Variants in PLD1 observed in about 807,000 individuals in gnomAD.
PLD1 encodes the protein choline phosphatase 1.
PLD1 carries 112 observed loss-of-function variants against 137.1 expected under a neutral mutation model. That is an observed-to-expected ratio of 0.82 (90% CI 0.70 to 0.96). The LOEUF is 0.96. PLD1 is among the 40% of genes least tolerant of loss of function. PLD1 has a pLI of 0.00. For synonymous variants in PLD1, 431 were observed against 454.7 expected, an observed-to-expected ratio of 0.95 and a Z score of 0.66; for missense variants, 1,321 against 1,342.0, an observed-to-expected ratio of 0.98 and a Z score of 0.24.
intron 1 of PLD1, among the ~76,000 whole-genome samples, chr3:171,757,292 C>A (rs1233907430): frequency 6.6e-6 from 1 of 151,974 alleles, no homozygotes; most frequent in East Asian, 1.9e-4. Flanking sequence ...GTATGTGTCA[C>A]AAAGAAAACT....
chr3:171,747,916 TC>T (rs2108284956), intron 1 of PLD1, among the ~76,000 whole-genome samples: 1 of 149,012 alleles, frequency 6.7e-6, no homozygotes, highest in African/African-American at 2.6e-5. Context: ...GTGCTCAACT[TC>T]CTCACCTAAA....
chr3:171,735,007 G>A, intron 4 of PLD1, 37 bp from the exon 5 acceptor site: 1 of 1,143,186 alleles, frequency 8.7e-7, no homozygotes, highest in Non-Finnish European at 1.3e-6. Context: ...ACACCTACTA[G>A]ATTATTCTGT....
intron 8 of PLD1, among the ~76,000 whole-genome samples, chr3:171,715,719 C>T (rs567882043): frequency 1.3e-5 from 2 of 151,908 alleles, no homozygotes; most frequent in Non-Finnish European, 2.9e-5. Flanking sequence ...CATAAAAACT[C>T]CTCTGATTTC....
Position 171,688,720 on chromosome 3 carries a change from T to C in PLD1, c.1495A>G (p.Ser499Gly). ...DNEHRLTDVG[S>G]VKRVTSGPSL... ...GGTCCTGAAGTGACCCGCTTCACAC[T>C]GCCCACGTCTGTGAGTCTGTGCTCA... is the stretch of plus-strand genomic sequence containing the variant. The change falls in exon 14 of 27, where the codon AGT (serine) becomes GGT (glycine). Residue 499 changes from serine to glycine, a missense_variant. By Grantham distance (56) the Ser-to-Gly change is moderately conservative (BLOSUM62 0). Coordinates refer to ENST00000351298, the MANE Select transcript of PLD1 (RefSeq NM_002662.5). 1 of 1,614,196 alleles carries C rather than the reference T, an allele frequency of 6.2e-7. No individual in the cohort carries two copies. The highest frequency in any genetic ancestry group is 8.5e-7 in the Non-Finnish European group (1 of 1,180,022).
chr3:171,790,660 G>A (rs1251375451), intron 1 of PLD1, among the ~76,000 whole-genome samples: 1 of 152,148 alleles, frequency 6.6e-6, no homozygotes, highest in Admixed American at 6.5e-5. Context: ...AAAGGAAGCT[G>A]GCATGCTCCT....
chr3:171,807,099 C>G (rs1723877834), intron 1 of PLD1, among the ~76,000 whole-genome samples: 1 of 152,124 alleles, frequency 6.6e-6, no homozygotes, highest in Admixed American at 6.6e-5. Flanking sequence ...GGGAGCCCAG[C>G]TGTTCAAGAC....
At chr3:171,710,872 CTT>C (rs774704143) in intron 9 of PLD1, among the ~76,000 whole-genome samples, 5 of 98,608 alleles carry the variant, frequency 5.1e-5, no homozygotes, top group Admixed American at 1.0e-4. Context: ...GAAAACTGTT[CTT>C]TTTTTTTTTT....
chr3:171,768,254 T>A (rs769940300), intron 1 of PLD1, among the ~76,000 whole-genome samples: 1 of 152,116 alleles, frequency 6.6e-6, no homozygotes, highest in Non-Finnish European at 1.5e-5. Flanking sequence ...AAATAGTGAA[T>A]TTCCAGGGTG....
At chr3:171,623,560 G>A (rs2108303824) in intron 23 of PLD1, among the ~76,000 whole-genome samples, 1 of 151,446 alleles carries the variant, frequency 6.6e-6, no homozygotes, top group Middle Eastern at 3.4e-3. Flanking sequence ...CTGACCTCGT[G>A]ATCCGCCCAC....
At position 171,689,030 on chromosome 3, in the gene PLD1, C is replaced by T. The variant is rs13321633; in HGVS notation, c.1339-154G>A. On this transcript the variant is annotated intron_variant, in intron 13 of 26. Transcript: ENST00000351298. ...CCAAAGAAAATAATTTTATTCTCAGCATTTAGCAAAAAGAAAAAGAAAAAA... is the reference window on the plus strand; with the variant it reads ...CCAAAGAAAATAATTTTATTCTCAGTATTTAGCAAAAAGAAAAAGAAAAAA... Among the ~76,000 whole-genome samples, 6,346 of 151,638 alleles carry T rather than the reference C, an allele frequency of 0.042. 427 individuals are homozygous for T. The highest frequency in any genetic ancestry group is 0.14 in the African/African-American group (5,896 of 41,318).
At chr3:171,613,849 C>A (rs533047525) in intron 24 of PLD1, among the ~76,000 whole-genome samples, 1 of 152,128 alleles carries the variant, frequency 6.6e-6, no homozygotes, top group Non-Finnish European at 1.5e-5. Flanking sequence ...CAGATTCATG[C>A]ATTTGAATCC....
At chr3:171,742,435 C>T (rs1011821722) in intron 1 of PLD1, among the ~76,000 whole-genome samples, 1 of 152,144 alleles carries the variant, frequency 6.6e-6, no homozygotes, top group African/African-American at 2.4e-5. Flanking sequence ...CACATTCACT[C>T]TATGAACATA....
chr3:171,747,625 T>G (rs1030017582), intron 1 of PLD1, among the ~76,000 whole-genome samples: 2 of 152,236 alleles, frequency 1.3e-5, no homozygotes, highest in Admixed American at 1.3e-4. Context: ...TGAACCATCC[T>G]GGCTCCTGCA....
intron 23 of PLD1, among the ~76,000 whole-genome samples, chr3:171,631,042 T>A (rs1039599668): frequency 6.6e-6 from 1 of 151,730 alleles, no homozygotes; most frequent in Non-Finnish European, 1.5e-5. Flanking sequence ...AAATAAAGGC[T>A]GAATAATTAA....
At chr3:171,677,446 A>G in intron 17 of PLD1, 120 bp downstream of exon 17, 1 of 1,025,478 alleles carries the variant, frequency 9.8e-7, no homozygotes. Flanking sequence ...GTTTTAAAAA[A>G]TTTTCAAAAA....
rs1560289682 is a variant in PLD1, at chr3:171,764,954, GAAAGAAAGAAA to G, written c.-31-26883_-31-26873del. 1.2e-4 allele frequency among the ~76,000 whole-genome samples: 6 copies of G among 48,626 alleles called. 1 individual carries two copies. Among genetic ancestry groups the G allele is most frequent in the Admixed American group, 2.5e-4 (1 of 4,058 alleles). 31.9% of individuals were successfully genotyped at this position (48,626 alleles called of 152,430 possible). A position where few individuals can be genotyped will look rare whatever the true frequency, so the allele number is the denominator to read the frequency against. Reference sequence around the variant, plus strand: ...GAAAGGAAAGAAAGAAAGAAAGAAAGAAAGAAAGAAAGAAAGAAAGAAAGAAAGAAAGAAAG... The same window carrying G: ...GAAAGGAAAGAAAGAAAGAAAGAAAGGAAAGAAAGAAAGAAAGAAAGAAAG... On this transcript the variant is annotated intron_variant, in intron 1 of 26. Transcript: ENST00000351298.
At chr3:171,762,270 T>G (rs1021645396) in intron 1 of PLD1, among the ~76,000 whole-genome samples, 1 of 152,242 alleles carries the variant, frequency 6.6e-6, no homozygotes, top group Non-Finnish European at 1.5e-5. Flanking sequence ...TTGGTCATCT[T>G]CTTCAGCCCT....
In PLD1 at chr3:171,642,824, A is replaced by C; in HGVS notation, c.2593+16T>G. The C allele has an allele frequency of 6.7e-7, 1 of 1,491,342 alleles. No homozygotes were observed. Among genetic ancestry groups the C allele is most frequent in the Non-Finnish European group, 9.2e-7 (1 of 1,084,198 alleles). 92.4% of individuals were successfully genotyped at this position (1,491,342 alleles called of 1,614,324 possible). ...TAATAAAAAACAATGATATGAGAAA[A>C]AAAGCAGTTACTTACGCTCTGCTTT... is the stretch of plus-strand genomic sequence containing the variant. On this transcript the variant is annotated intron_variant, in intron 23 of 26. Transcript: ENST00000351298.
In PLD1 at chr3:171,620,068, T is replaced by C. The variant is rs767959179; in HGVS notation, c.2728+318A>G. Among the ~76,000 whole-genome samples, 44 of 152,314 alleles carry C rather than the reference T, an allele frequency of 2.9e-4. No homozygotes were observed. In the Middle Eastern group the frequency reaches 0.014, roughly 47 times the overall value. ...CTGATTCTTCACAGATAAAAATAGT[T>C]TAGTTCACAAAGAGATGATAAATGC... On this transcript the variant is annotated intron_variant, in intron 24 of 26. Transcript: ENST00000351298.
Sources: allele counts gnomAD v4.1 joint callset (sites outside exome capture counted in the v4.1 genomes callset), GRCh38; gene constraint gnomAD v4.1.1; transcripts MANE v1.5; gene names NCBI Gene and HGNC (gene_info 2026-07-23, HGNC 2026-07-21).